The following CACNA1C variants were observed in gnomAD, a reference collection of about 807,000 sequenced individuals.
The protein encoded by CACNA1C is voltage-dependent L-type calcium channel subunit alpha-1C.
CACNA1C carries 30 observed loss-of-function variants against 229.0 expected under a neutral mutation model. The ratio of observed to expected loss-of-function variants is 0.13; its 90% CI spans 0.10 to 0.18. The LOEUF (loss-of-function observed/expected upper bound fraction) is 0.18. Among genes scored for constraint, CACNA1C ranks in the 10% least tolerant of loss-of-function variants. The probability of loss-of-function intolerance (pLI) is 1.00; values close to 1 mark genes in which losing one functional copy is unlikely to be tolerated. For missense variants in CACNA1C, 1,658 were observed against 2,845.0 expected, an observed-to-expected ratio of 0.58 and a Z score of 9.49; for synonymous variants, 1,114 against 1,132.5, an observed-to-expected ratio of 0.98 and a Z score of 0.33.
chr12:2,521,414 G>A (rs2099809700), intron 9 of CACNA1C, among the ~76,000 whole-genome samples: 1 of 152,202 alleles, frequency 6.6e-6, no homozygotes, highest in Admixed American at 6.5e-5. Context: ...ACCCTGCAGG[G>A]GCAGAGCAAA....
At chr12:2,159,491 CAATAAATA>C (rs545096838) in intron 3 of CACNA1C, among the ~76,000 whole-genome samples, 6 of 150,152 alleles carry the variant, frequency 4.0e-5, no homozygotes, top group Admixed American at 2.0e-4. Flanking sequence ...GAGACCCTGT[CAATAAATA>C]AATAAATAAA....
intron 1 of CACNA1C, among the ~76,000 whole-genome samples, chr12:2,013,598 A>T (rs2044805118): frequency 6.6e-6 from 1 of 152,200 alleles, no homozygotes; most frequent in Non-Finnish European, 1.5e-5. Flanking sequence ...ACACAGATAC[A>T]GATCTCTGCT....
rs1222583526 is a variant in CACNA1C at position 2,282,007 on chromosome 12, A to G, written c.477+161577A>G. Among the ~76,000 whole-genome samples the G allele has an allele frequency of 4.6e-5, 7 of 152,078 alleles. No homozygotes were observed. In the South Asian group the frequency reaches 8.3e-4, roughly 18 times the overall value. Reference sequence around the variant, plus strand: ...GTCCTTCATTTTGGATAGTTCCTATACTATGTGTTTATGAATCTTCTCTTT... The same window carrying G: ...GTCCTTCATTTTGGATAGTTCCTATGCTATGTGTTTATGAATCTTCTCTTT... On this transcript the variant is annotated intron_variant, in intron 3 of 46. Coordinates refer to ENST00000399655, the MANE Select transcript of CACNA1C (RefSeq NM_000719.7).
chr12:2,608,702 A>G lies in CACNA1C; in HGVS notation c.3548A>G (p.Asp1183Gly). The part of the protein sequence containing the change: ...GEQEYKNCEL[D>G]KNQRQCVEYA... ...CAGGAGTACAAGAACTGTGAGCTGGACAAGAACCAGGTAGCTTCCTAGGAA... is the reference window on the plus strand; with the variant it reads ...CAGGAGTACAAGAACTGTGAGCTGGGCAAGAACCAGGTAGCTTCCTAGGAA... Residue 1183 changes from aspartate to glycine, a missense_variant, in exon 27 of 47, where the codon GAC becomes GGC. Coordinates refer to ENST00000399655, the MANE Select transcript of CACNA1C (RefSeq NM_000719.7). This position sits in a 1 kb window ranked among gnomAD's most constrained non-coding sequence, Gnocchi z 4.2. The G allele has an allele frequency of 6.2e-7, 1 of 1,614,092 alleles. No homozygotes were observed. Among genetic ancestry groups the G allele is most frequent in the Non-Finnish European group, 8.5e-7 (1 of 1,179,984 alleles).
At chr12:2,675,523 C>T (rs906162769) in intron 39 of CACNA1C, among the ~76,000 whole-genome samples, 3 of 152,222 alleles carry the variant, frequency 2.0e-5, no homozygotes, top group South Asian at 2.1e-4. Context: ...GTGACACTTA[C>T]GGTGAGTGAC....
chr12:2,607,172 G>T, intron 26 of CACNA1C, 42 bp downstream of exon 26: 1 of 1,574,462 alleles, frequency 6.4e-7, no homozygotes, highest in African/African-American at 1.3e-5. Context: ...TGACATTCAA[G>T]GGCCAGTACT....
intron 29 of CACNA1C, among the ~76,000 whole-genome samples, chr12:2,628,549 A>G (rs2088429185): frequency 6.6e-6 from 1 of 152,148 alleles, no homozygotes; most frequent in Admixed American, 6.5e-5. Context: ...CCTGCTGTTC[A>G]GTCCCACACC....
chr12:2,483,096 A>T (rs1208392042), intron 5 of CACNA1C, among the ~76,000 whole-genome samples: 2 of 152,234 alleles, frequency 1.3e-5, no homozygotes, highest in African/African-American at 2.4e-5. Flanking sequence ...AAAGATAAGA[A>T]GATGTGATGA....
chr12:2,315,501 C>T (rs2095643874), intron 3 of CACNA1C, among the ~76,000 whole-genome samples: 1 of 152,170 alleles, frequency 6.6e-6, no homozygotes, highest in South Asian at 2.1e-4. Context: ...AGTGTGCTGA[C>T]TTATTAGGGA....
intron 1 of CACNA1C, chr12:1,993,460 A>C: frequency 6.4e-7 from 1 of 1,552,016 alleles, no homozygotes; most frequent in Non-Finnish European, 8.7e-7. Flanking sequence ...TTTCAGTATA[A>C]GTACATTCTG....
chr12:2,682,552 G>T lies in CACNA1C; in HGVS notation c.5447G>T (p.Cys1816Phe). ...TTTCTTCATCTTGGATATTGTAGGT[G>T]CCACTCCCGGGAGAGCCAGGCAGCC... ...EVAWKLSSNR[C>F]HSRESQAAMA... Residue 1816 changes from cysteine to phenylalanine, a missense_variant and splice_region_variant, in exon 43 of 47, where the codon TGC becomes TTC. Cys to Phe is a radical substitution (Grantham distance 205, BLOSUM62 -2). Around this residue, in one of 20 missense-constraint regions of CACNA1C, gnomAD observed 590 missense variants for 700.8 expected, o/e 0.84. Coordinates refer to ENST00000399655, the MANE Select transcript of CACNA1C (RefSeq NM_000719.7). The T allele has an allele frequency of 6.2e-7, 1 of 1,611,694 alleles. No individual in the cohort carries two copies. Among genetic ancestry groups the T allele is most frequent in the Non-Finnish European group, 8.5e-7 (1 of 1,179,168 alleles).
rs575907654 is a variant in CACNA1C, at chr12:2,678,036, G to A, written c.5091+169G>A. The A allele has an allele frequency of 2.6e-5, 19 of 719,096 alleles. No individual in the cohort carries two copies. In the South Asian group the frequency reaches 3.9e-4, roughly 15 times the overall value. 44.5% of individuals were successfully genotyped at this position (719,096 alleles called of 1,614,324 possible). The stretch of plus-strand genomic sequence containing the variant: ...CTCCTCACCCCTTTGCCTTTTCCAA[G>A]CCTGACTCCATCCCAAGGCAGGGCT... On this transcript the variant is annotated intron_variant, in intron 41 of 46. Transcript: ENST00000399655. The surrounding 1 kb of genome is among the most constrained non-coding windows in gnomAD (Gnocchi z 4.1).
chr12:2,489,784 G>A (rs1051968166), intron 6 of CACNA1C, among the ~76,000 whole-genome samples: 4 of 152,086 alleles, frequency 2.6e-5, no homozygotes, highest in Non-Finnish European at 5.9e-5. Flanking sequence ...TCTCCTAATC[G>A]TCACCTCCAT....
intron 3 of CACNA1C, among the ~76,000 whole-genome samples, chr12:2,178,737 C>T (rs570468162): frequency 6.6e-6 from 1 of 152,114 alleles, no homozygotes; most frequent in African/African-American, 2.4e-5. Context: ...TGATTTCTTC[C>T]CCCGTACAAA....
intron 3 of CACNA1C, among the ~76,000 whole-genome samples, chr12:2,163,856 C>T (rs1416945320): frequency 6.6e-6 from 1 of 152,204 alleles, no homozygotes; most frequent in African/African-American, 2.4e-5. Context: ...ATAACTGGAG[C>T]CACCTGCATC....
chr12:2,550,415 C>A, intron 10 of CACNA1C: 3 of 698,084 alleles, frequency 4.3e-6, no homozygotes, highest in Non-Finnish European at 6.4e-6. Flanking sequence ...GAGGTTAGGG[C>A]CCTGAGTCCT....
Position 2,215,456 on chromosome 12 carries a change from C to T in CACNA1C, c.477+95026C>T, listed in dbSNP as rs913704396. On this transcript the variant is annotated intron_variant, in intron 3 of 46. Transcript: ENST00000399655. The surrounding 1 kb of genome is among the most constrained non-coding windows in gnomAD (Gnocchi z 5.0). ...TGTTCCTCTGGGTGGGATGCGCTCT[C>T]CCTCCTCCTAGGCTTGGTTCCTCTC... 1.3e-5 allele frequency among the ~76,000 whole-genome samples: 2 copies of T among 152,120 alleles called. No homozygotes were observed. The highest frequency in any genetic ancestry group is 2.9e-5 in the Non-Finnish European group (2 of 68,032).
At chr12:2,247,508 A>G (rs1249442845) in intron 3 of CACNA1C, among the ~76,000 whole-genome samples, 3 of 152,184 alleles carry the variant, frequency 2.0e-5, no homozygotes, top group African/African-American at 7.2e-5. Context: ...GTCCCAGTTT[A>G]ACACGGCAAT....
intron 3 of CACNA1C, among the ~76,000 whole-genome samples, chr12:2,211,528 A>G (rs866781523): frequency 1.3e-5 from 2 of 152,258 alleles, no homozygotes. Flanking sequence ...TAGCAGCCTT[A>G]TGCATCTTTA....
Sources: gnomAD v4.1 joint callset for allele counts (sites outside exome capture counted in the v4.1 genomes callset) on GRCh38, gnomAD v4.1.1 for gene constraint, gnomAD v4.1.1 regional missense constraint, Gnocchi (gnomAD v3.1) non-coding constraint, MANE v1.5 for transcripts, NCBI Gene and HGNC (gene_info 2026-07-23, HGNC 2026-07-21) for gene names.